Variants in ARMC9 observed in about 807,000 individuals in gnomAD.
ARMC9 encodes lisH domain-containing protein ARMC9.
ARMC9 carries 94 observed loss-of-function variants against 107.0 expected under a neutral mutation model. That is an observed-to-expected ratio of 0.88 (90% CI 0.74 to 1.04). The LOEUF is 1.04. Among genes scored for constraint, ARMC9 ranks in the 50% least tolerant of loss-of-function variants. ARMC9 has a pLI of 0.00. For missense variants in ARMC9, 942 were observed against 1,030.1 expected, an observed-to-expected ratio of 0.91 and a Z score of 1.17; for synonymous variants, 380 against 396.9, an observed-to-expected ratio of 0.96 and a Z score of 0.51.
chr2:231,332,930 G>A (rs2043840670), intron 20 of ARMC9, among the ~76,000 whole-genome samples: 2 of 152,176 alleles, frequency 1.3e-5, no homozygotes, highest in Admixed American at 1.3e-4. Flanking sequence ...GAGAAGAAGG[G>A]TGGAGCCAGC....
At chr2:231,272,931 G>T in intron 13 of ARMC9, 24 bp from the exon 14 acceptor site, 1 of 1,604,294 alleles carries the variant, frequency 6.2e-7, no homozygotes, top group Non-Finnish European at 8.5e-7. Flanking sequence ...TCTTTCACCT[G>T]TTTCATCTCT....
At position 231,255,321 on chromosome 2, in the gene ARMC9, T is replaced by C. The variant is rs1460751527; in HGVS notation, c.880-1265T>C. 2.0e-5 allele frequency among the ~76,000 whole-genome samples: 3 copies of C among 152,156 alleles called. No homozygotes were observed. The highest frequency in any genetic ancestry group is 4.4e-5 in the Non-Finnish European group (3 of 68,032). ...TGGGGTGGAAGAGGGGTTGTTAATG[T>C]TTTTTAAACACGTGTAGAAAATGTT... On this transcript the variant is annotated intron_variant, in intron 9 of 24. Transcript: ENST00000611582. The surrounding 1 kb of genome is among the most constrained non-coding windows in gnomAD (Gnocchi z 4.7).
chr2:231,317,007 A>G (rs993638470), intron 19 of ARMC9, among the ~76,000 whole-genome samples: 1 of 152,014 alleles, frequency 6.6e-6, no homozygotes, highest in Admixed American at 6.6e-5. Context: ...CCCATTGTTT[A>G]TGATAAGAAG....
At chr2:231,206,380 T>C in intron 2 of ARMC9, 91 bp downstream of exon 2, 1 of 1,047,798 alleles carries the variant, frequency 9.5e-7, no homozygotes, top group Admixed American at 2.3e-5. Flanking sequence ...TGCCTTGTAA[T>C]GTTTCTTCTA....
intron 20 of ARMC9, among the ~76,000 whole-genome samples, chr2:231,334,758 A>C (rs146623757): frequency 5.3e-5 from 8 of 152,210 alleles, no homozygotes; most frequent in African/African-American, 1.9e-4. Flanking sequence ...GTGATCTGAC[A>C]TTGCCAGCCT....
intron 18 of ARMC9, chr2:231,294,810 T>C (rs1370985416): frequency 6.6e-6 from 1 of 152,298 alleles, no homozygotes; most frequent in Non-Finnish European, 1.5e-5. Context: ...GTCATTAAAC[T>C]TCAGCCAGAA....
chr2:231,367,310 G>A (rs1039964196), intron 23 of ARMC9, among the ~76,000 whole-genome samples: 5 of 152,136 alleles, frequency 3.3e-5, no homozygotes, highest in Non-Finnish European at 7.3e-5. Context: ...TTCTCTCCTT[G>A]GGCTTCTTGT....
In ARMC9 at chr2:231,222,761, A is replaced by G. The variant is rs1626450; in HGVS notation, c.538A>G (p.Ile180Val). The change falls in exon 6 of 25, where the codon ATA becomes GTA. Residue 180 changes from isoleucine to valine, a missense_variant. By Grantham distance (29) the Ile-to-Val change is conservative (BLOSUM62 3). Coordinates refer to ENST00000611582, the MANE Select transcript of ARMC9 (RefSeq NM_001352754.2). Reference protein sequence around the residue: ...SWTPELKLKLIKFLALISKAS... With the variant: ...SWTPELKLKLVKFLALISKAS... Reference sequence around the variant, plus strand: ...GACTCCAGAGTTAAAGTTGAAGTTGATAAAGTTTCTAGCTTTAATATCTAA... The same window carrying G: ...GACTCCAGAGTTAAAGTTGAAGTTGGTAAAGTTTCTAGCTTTAATATCTAA... 1 allele frequency: 1,591,270 copies of G among 1,591,472 alleles called. 795,534 individuals are homozygous for G. The highest frequency in any genetic ancestry group is 1 in the East Asian group (44,718 of 44,718).
chr2:231,358,547 C>T lies in ARMC9; in HGVS notation c.2132-2207C>T, dbSNP rs550618154. Among the ~76,000 whole-genome samples the T allele has an allele frequency of 2.6e-5, 4 of 152,278 alleles. No homozygotes were observed. Among genetic ancestry groups the T allele is most frequent in the East Asian group, 3.9e-4 (2 of 5,170 alleles). ...CCAGGCCCATCCTGGCCCCAGGCAG[C>T]GCTCCCCACAGGTCTCCTTGCACAC... is the stretch of plus-strand genomic sequence containing the variant. On this transcript the variant is annotated intron_variant, in intron 22 of 24. Transcript: ENST00000611582. The surrounding 1 kb of genome is among the most constrained non-coding windows in gnomAD (Gnocchi z 4.5).
chr2:231,204,592 T>C (rs1200419706), intron 1 of ARMC9, among the ~76,000 whole-genome samples: 2 of 152,154 alleles, frequency 1.3e-5, no homozygotes, highest in Non-Finnish European at 1.5e-5. Flanking sequence ...GCCTGTACTG[T>C]GTGCCAGGCA....
At chr2:231,330,366 T>TG (rs879588220) in intron 19 of ARMC9, among the ~76,000 whole-genome samples, 16 of 152,046 alleles carry the variant, frequency 1.1e-4, no homozygotes, top group African/African-American at 3.6e-4. Flanking sequence ...CACCAGATGA[T>TG]GGGGGGTCCC....
At chr2:231,319,681 C>T (rs2042894044) in intron 19 of ARMC9, among the ~76,000 whole-genome samples, 1 of 152,172 alleles carries the variant, frequency 6.6e-6, no homozygotes, top group African/African-American at 2.4e-5. Context: ...CCTTTCTGCT[C>T]CACATCCTGG....
chr2:231,268,070 A>C (rs181689408), intron 12 of ARMC9, among the ~76,000 whole-genome samples: 2 of 152,346 alleles, frequency 1.3e-5, no homozygotes, highest in Admixed American at 6.5e-5. Flanking sequence ...TATCACAGAC[A>C]TATTGTTGAA....
intron 9 of ARMC9, among the ~76,000 whole-genome samples, chr2:231,243,716 A>G (rs1353117534): frequency 6.6e-6 from 1 of 152,236 alleles, no homozygotes; most frequent in African/African-American, 2.4e-5. Context: ...CTTTAACAAG[A>G]TGATAAAAAG....
intron 18 of ARMC9, among the ~76,000 whole-genome samples, chr2:231,293,334 G>T (rs1163184478): frequency 2.6e-5 from 4 of 152,130 alleles, no homozygotes; most frequent in Non-Finnish European, 5.9e-5. Flanking sequence ...TGTGGGGGCG[G>T]AGGATTGTTG....
intron 8 of ARMC9, among the ~76,000 whole-genome samples, chr2:231,237,569 G>A (rs1320619382): frequency 6.6e-6 from 1 of 151,520 alleles, no homozygotes; most frequent in African/African-American, 2.4e-5. Context: ...TATCAACAAT[G>A]TCTACTCCCC....
chr2:231,258,898 C>A (rs2038084120), intron 10 of ARMC9, 93 bp from the exon 11 acceptor site: 1 of 1,169,860 alleles, frequency 8.5e-7, no homozygotes, highest in Non-Finnish European at 1.3e-6. Flanking sequence ...ATGGGAACAG[C>A]AGGCTCTAGC....
intron 4 of ARMC9, among the ~76,000 whole-genome samples, chr2:231,216,300 G>A (rs1273674155): frequency 6.6e-6 from 1 of 152,130 alleles, no homozygotes; most frequent in Non-Finnish European, 1.5e-5. Flanking sequence ...GTAATAATGG[G>A]GAAGCTAGTT....
chr2:231,316,903 C>G (rs1188470406), intron 19 of ARMC9, among the ~76,000 whole-genome samples: 4 of 152,068 alleles, frequency 2.6e-5, no homozygotes, highest in Admixed American at 2.0e-4. Context: ...TCTGGGATTA[C>G]AGGCATGCAC....
Sources: gnomAD v4.1 joint callset for allele counts (sites outside exome capture counted in the v4.1 genomes callset) on GRCh38, gnomAD v4.1.1 for gene constraint, Gnocchi (gnomAD v3.1) non-coding constraint, MANE v1.5 for transcripts, NCBI Gene and HGNC (gene_info 2026-07-23, HGNC 2026-07-21) for gene names.